ESYT2: variants seen among roughly 807,000 people sequenced by gnomAD.
The protein encoded by ESYT2 is extended synaptotagmin-2.
A neutral mutation model predicts 107.2 loss-of-function variants in ESYT2; 54 were observed. The ratio of observed to expected loss-of-function variants is 0.50; its 90% confidence interval spans 0.40 to 0.63. ESYT2 has a LOEUF of 0.63. ESYT2 is among the 30% of genes least tolerant of loss of function. The pLI is 0.00. For missense variants in ESYT2, 1,020 were observed against 1,094.5 expected (o/e 0.93, Z 0.96); for synonymous variants, 491 against 434.1 (o/e 1.13, Z -1.63).
At position 158,788,335 on chromosome 7, in the gene ESYT2, A is replaced by G. The variant is rs1455402332; in HGVS notation, c.657+10T>C. On this transcript the variant is annotated intron_variant, in intron 5 of 22. Transcript: ENST00000275418. Reference sequence around the variant, plus strand: ...ACTGTCAAATTAAAACAAAAAAACAAAAAACTTACCTGGATACTTTTCACA... The same window carrying G: ...ACTGTCAAATTAAAACAAAAAAACAGAAAACTTACCTGGATACTTTTCACA... 17 of 1,596,172 alleles carry G rather than the reference A, an allele frequency of 1.1e-5. No individual in the cohort carries two copies. Among genetic ancestry groups the G allele is most frequent in the Non-Finnish European group, 1.4e-5 (17 of 1,174,938 alleles).
At chr7:158,777,971 A>T (rs576462410) in intron 6 of ESYT2, among the ~76,000 whole-genome samples, 17 of 152,372 alleles carry the variant, frequency 1.1e-4, no homozygotes, top group African/African-American at 3.6e-4. Flanking sequence ...GGGCTGCCAT[A>T]AACTTTCAAC....
chr7:158,820,473 A>C (rs1468183052), intron 1 of ESYT2, among the ~76,000 whole-genome samples: 1 of 152,252 alleles, frequency 6.6e-6, no homozygotes, highest in Non-Finnish European at 1.5e-5. Flanking sequence ...CACAATAAAA[A>C]TAATACTTTT....
Position 158,743,530 on chromosome 7 carries a change from C to T in ESYT2, c.1793G>A (p.Arg598Gln), listed in dbSNP as rs377699961. Residue 598 changes from arginine to glutamine, a missense_variant and splice_region_variant, in exon 17 of 23, where the codon CGG (arginine) becomes CAG (glutamine). Coordinates refer to ENST00000275418, the MANE Select transcript of ESYT2 (RefSeq NM_001367773.1). ...GTTCACTGCAGGACGACACGATACCCGCAGGGCAATCTTCATCTTGATGGT... is the reference window on the plus strand; with the variant it reads ...GTTCACTGCAGGACGACACGATACCTGCAGGGCAATCTTCATCTTGATGGT... ...NSTIKMKIAL[R>Q]VLHLEKRERP... The T allele has an allele frequency of 1.4e-5, 23 of 1,610,028 alleles. No homozygotes were observed. The highest frequency in any genetic ancestry group is 2.2e-5 in the South Asian group (2 of 90,504).
chr7:158,740,904 C>T (rs1238743693), intron 18 of ESYT2, among the ~76,000 whole-genome samples: 1 of 152,142 alleles, frequency 6.6e-6, no homozygotes, highest in African/African-American at 2.4e-5. Flanking sequence ...TAACACCACA[C>T]AGGGAGAACT....
chr7:158,773,239 G>T, intron 7 of ESYT2, 102 bp downstream of exon 7: 2 of 1,270,086 alleles, frequency 1.6e-6, no homozygotes, highest in East Asian at 2.3e-5. Flanking sequence ...CCATTCACCT[G>T]GCAGACGCAG....
At chr7:158,747,829 G>A (rs578064535) in intron 16 of ESYT2, among the ~76,000 whole-genome samples, 1 of 152,270 alleles carries the variant, frequency 6.6e-6, no homozygotes, top group Non-Finnish European at 1.5e-5. Flanking sequence ...GTAAATGGAT[G>A]AGCAAATTGT....
At chr7:158,821,903 C>T (rs1192023452) in intron 1 of ESYT2, among the ~76,000 whole-genome samples, 2 of 152,182 alleles carry the variant, frequency 1.3e-5, no homozygotes, top group African/African-American at 4.8e-5. Context: ...CCTAGCATGT[C>T]CGTAAATTTA....
At chr7:158,792,262 G>T (rs368276239) in intron 4 of ESYT2, among the ~76,000 whole-genome samples, 1 of 149,090 alleles carries the variant, frequency 6.7e-6, no homozygotes, top group Admixed American at 6.7e-5. Flanking sequence ...AGTCGCTCAC[G>T]CCTGTGATCC....
intron 4 of ESYT2, among the ~76,000 whole-genome samples, chr7:158,791,488 T>G (rs1011343177): frequency 1.3e-5 from 2 of 152,234 alleles, no homozygotes; most frequent in Non-Finnish European, 2.9e-5. Flanking sequence ...GTTTAAGGTT[T>G]TGAGGAACTG....
chr7:158,812,120 G>T (rs527334119), intron 1 of ESYT2, among the ~76,000 whole-genome samples: 5 of 152,264 alleles, frequency 3.3e-5, no homozygotes, highest in African/African-American at 1.2e-4. Context: ...GCCACAGGCC[G>T]GCTCAGACCC....
intron 19 of ESYT2, 26 bp from the exon 20 acceptor site, chr7:158,737,205 A>T: frequency 2.5e-6 from 4 of 1,611,192 alleles, no homozygotes; most frequent in Non-Finnish European, 3.4e-6. Context: ...AGATAAGACG[A>T]GGTATTAGGA....
chr7:158,788,039 C>A lies in ESYT2; in HGVS notation c.712G>T (p.Val238Phe). The part of the protein sequence containing the change: ...LEPLIGDMPL[V>F]GALSIFFLRK... The stretch of plus-strand genomic sequence containing the variant: ...AGGAAGAAGATAGACAAAGCTCCAA[C>A]TAAGGGCATATCTCCAATCAACGGT... The change falls in exon 6 of 23, where the codon GTT becomes TTT. Residue 238 changes from valine (V) to phenylalanine (F), a missense_variant. Coordinates refer to ENST00000275418, the MANE Select transcript of ESYT2 (RefSeq NM_001367773.1). The A allele has an allele frequency of 6.2e-7, 1 of 1,614,112 alleles. No homozygotes were observed. The highest frequency in any genetic ancestry group is 8.5e-7 in the Non-Finnish European group (1 of 1,179,962).
intron 1 of ESYT2, among the ~76,000 whole-genome samples, chr7:158,818,672 C>A (rs1840211074): frequency 6.6e-6 from 1 of 152,246 alleles, no homozygotes; most frequent in African/African-American, 2.4e-5. Flanking sequence ...TGTTCACTGG[C>A]CTCTCCGCAT....
At chr7:158,828,514 C>T (rs1287049388) in intron 1 of ESYT2, among the ~76,000 whole-genome samples, 1 of 152,196 alleles carries the variant, frequency 6.6e-6, no homozygotes, top group Non-Finnish European at 1.5e-5. Context: ...GGTCTGCAGG[C>T]CGGGGGAGGG....
intron 1 of ESYT2, 110 bp from the exon 2 acceptor site, chr7:158,799,182 T>A: frequency 1.1e-6 from 1 of 943,224 alleles, no homozygotes. Flanking sequence ...ACAAGATGCT[T>A]CTTTAAAACA....
At chr7:158,790,260 T>C (rs1839244982) in intron 4 of ESYT2, among the ~76,000 whole-genome samples, 1 of 152,198 alleles carries the variant, frequency 6.6e-6, no homozygotes, top group Non-Finnish European at 1.5e-5. Flanking sequence ...ATTTAAATAC[T>C]TTGTAAACTC....
intron 14 of ESYT2, among the ~76,000 whole-genome samples, chr7:158,750,207 G>A (rs1353441905): frequency 6.6e-6 from 1 of 151,964 alleles, no homozygotes; most frequent in Non-Finnish European, 1.5e-5. Context: ...GCATTTTTAA[G>A]CTTTCACATA....
intron 1 of ESYT2, among the ~76,000 whole-genome samples, chr7:158,813,024 T>G (rs1333545833): frequency 6.6e-6 from 1 of 152,162 alleles, no homozygotes; most frequent in South Asian, 2.1e-4. Context: ...TTACACTACA[T>G]GTAAAGGTAG....
Position 158,759,600 on chromosome 7 carries a change from G to T in ESYT2, c.1324-19C>A. The T allele has an allele frequency of 6.3e-7, 1 of 1,581,254 alleles. No homozygotes were observed. On this transcript the variant is annotated intron_variant, in intron 12 of 22. Transcript: ENST00000275418. ...TTAGCACCTAAAAGGAAAGGAAAAAGCCCTTAGCAGCCATGTTTCCACAGG... is the reference window on the plus strand; with the variant it reads ...TTAGCACCTAAAAGGAAAGGAAAAATCCCTTAGCAGCCATGTTTCCACAGG...
Sources: gnomAD v4.1 joint callset for allele counts (sites outside exome capture counted in the v4.1 genomes callset) on GRCh38, gnomAD v4.1.1 for gene constraint, MANE v1.5 for transcripts, NCBI Gene and HGNC (gene_info 2026-07-23, HGNC 2026-07-21) for gene names.